The following SEC11A variants were observed in gnomAD, a reference collection of about 807,000 sequenced individuals.
SEC11A encodes signal peptidase complex catalytic subunit SEC11A.
A neutral mutation model predicts 25.6 loss-of-function variants in SEC11A; 14 were observed. The observed-to-expected ratio is 0.55, with a 90% CI of 0.36 to 0.85. The LOEUF is 0.85. SEC11A is among the 40% of genes least tolerant of loss of function. The pLI is 0.01. For missense variants in SEC11A, 153 were observed against 222.9 expected (o/e 0.69, Z 2.00); for synonymous variants, 83 against 76.4 (o/e 1.09, Z -0.45).
chr15:84,701,024 A>T (rs1897923848), intron 1 of SEC11A, among the ~76,000 whole-genome samples: 1 of 151,306 alleles, frequency 6.6e-6, no homozygotes, highest in Non-Finnish European at 1.5e-5. Context: ...CCTAAATCAA[A>T]CTTCTAGAGA....
intron 1 of SEC11A, among the ~76,000 whole-genome samples, chr15:84,707,072 C>T (rs1446773020): frequency 2.0e-5 from 3 of 152,074 alleles, no homozygotes; most frequent in Admixed American, 6.6e-5. Flanking sequence ...AAGCTTAGAT[C>T]TGTCCACCCA....
intron 1 of SEC11A, among the ~76,000 whole-genome samples, chr15:84,700,924 A>C (rs1222818761): frequency 6.7e-6 from 1 of 149,654 alleles, no homozygotes; most frequent in Admixed American, 6.7e-5. Flanking sequence ...AGGTTGCAGT[A>C]AGCCGACATC....
intron 4 of SEC11A, among the ~76,000 whole-genome samples, chr15:84,680,173 C>T (rs893756069): frequency 2.0e-5 from 3 of 151,044 alleles, no homozygotes; most frequent in Admixed American, 6.6e-5. Flanking sequence ...TGGTGGCGGG[C>T]GCCTGTAATC....
Position 84,685,190 on chromosome 15 carries a change from CTCTG to C in SEC11A, c.311+2431_311+2434del, listed in dbSNP as rs368925269. ...TTAAGGATTTTCCAATTAATATATT[CTCTG>C]TCTATGAATCTGCCCAGAAGCAGTT... On this transcript the variant is annotated intron_variant, in intron 3 of 5. Coordinates refer to ENST00000268220, the MANE Select transcript of SEC11A (RefSeq NM_014300.4). 9.7e-4 allele frequency among the ~76,000 whole-genome samples: 148 copies of C among 152,242 alleles called. 2 individuals are homozygous for C. The Middle Eastern group carries it at 0.014, about 14-fold the overall frequency.
chr15:84,687,836 A>G, intron 2 of SEC11A, 62 bp from the exon 3 acceptor site: 1 of 1,383,536 alleles, frequency 7.2e-7, no homozygotes, highest in South Asian at 1.3e-5. Flanking sequence ...TACTTTCAAA[A>G]TTAGATATTC....
intron 1 of SEC11A, among the ~76,000 whole-genome samples, chr15:84,703,650 AT>A (rs1898013087): frequency 6.6e-6 from 1 of 152,172 alleles, no homozygotes; most frequent in South Asian, 2.1e-4. Context: ...GCAGTTGTTC[AT>A]TTTGCCTGGA....
intron 4 of SEC11A, among the ~76,000 whole-genome samples, chr15:84,675,564 A>G (rs75902981): frequency 0.012 from 1,827 of 152,346 alleles, 33 homozygotes; most frequent in African/African-American, 0.041. Context: ...TAAGAAGTAC[A>G]TTCAAAAAGT....
At chr15:84,708,046 AAAAAAATAC>A (rs1898148661) in intron 1 of SEC11A, among the ~76,000 whole-genome samples, 3 of 151,708 alleles carry the variant, frequency 2.0e-5, no homozygotes, top group Non-Finnish European at 4.4e-5. Context: ...CGTCTTTACT[AAAAAAATAC>A]AAAAAATTAG....
Position 84,687,594 on chromosome 15 carries a change from T to C in SEC11A, c.311+31A>G, listed in dbSNP as rs79171269. On this transcript the variant is annotated intron_variant, in intron 3 of 5. Transcript: ENST00000268220. ...CCACAAACACTTAAACAAAAGCACT[T>C]AGAAACAAAGATGCTATACTTTGCA... 1.1e-3 allele frequency: 1,616 copies of C among 1,511,894 alleles called. 4 individuals are homozygous for C. The highest frequency in any genetic ancestry group is 9.4e-3 in the Middle Eastern group (40 of 4,266). 93.7% of individuals were successfully genotyped at this position (1,511,894 alleles called of 1,614,324 possible). A position where few individuals can be genotyped will look rare whatever the true frequency, so the allele number is the denominator to read the frequency against.
At chr15:84,707,883 C>G (rs530876912) in intron 1 of SEC11A, among the ~76,000 whole-genome samples, 32 of 152,208 alleles carry the variant, frequency 2.1e-4, no homozygotes, top group African/African-American at 7.7e-4. Context: ...TGCTCAGTTA[C>G]ATGGAATAAA....
At chr15:84,691,073 C>CT (rs199982469) in intron 2 of SEC11A, among the ~76,000 whole-genome samples, 63,982 of 132,916 alleles carry the variant, frequency 0.48, 16,859 homozygotes, top group East Asian at 0.77. Context: ...TCTTTTCTCT[C>CT]TTTTTTTTTT....
intron 1 of SEC11A, among the ~76,000 whole-genome samples, chr15:84,700,795 A>G (rs1349395456): frequency 1.3e-5 from 2 of 150,798 alleles, no homozygotes; most frequent in African/African-American, 4.9e-5. Flanking sequence ...AGCCTGACCA[A>G]CATGGAGAAA....
chr15:84,706,351 C>G (rs1898093335), intron 1 of SEC11A, among the ~76,000 whole-genome samples: 1 of 152,152 alleles, frequency 6.6e-6, no homozygotes, highest in South Asian at 2.1e-4. Flanking sequence ...TTATAATTGG[C>G]TAGGGTGATT....
intron 1 of SEC11A, 97 bp downstream of exon 1, chr15:84,715,928 G>T: frequency 1.7e-6 from 2 of 1,146,244 alleles, no homozygotes; most frequent in Non-Finnish European, 2.6e-6. Flanking sequence ...GACCAGCTCA[G>T]ACCCTCACAC....
chr15:84,680,910 A>G, intron 3 of SEC11A, 78 bp from the exon 4 acceptor site: 2 of 1,342,154 alleles, frequency 1.5e-6, no homozygotes, highest in African/African-American at 1.5e-5. Context: ...TTGTTAACCA[A>G]ACATGTTTGT....
At chr15:84,705,422 G>A (rs1325427999) in intron 1 of SEC11A, among the ~76,000 whole-genome samples, 1 of 152,156 alleles carries the variant, frequency 6.6e-6, no homozygotes, top group African/African-American at 2.4e-5. Context: ...ATGTTCTCCA[G>A]TATGTTGTAT....
intron 3 of SEC11A, among the ~76,000 whole-genome samples, chr15:84,683,094 A>G (rs1897321211): frequency 6.6e-6 from 1 of 152,210 alleles, no homozygotes; most frequent in Non-Finnish European, 1.5e-5. Context: ...AAAAAATGCA[A>G]ATATATACAG....
intron 5 of SEC11A, 159 bp downstream of exon 5, chr15:84,670,566 G>T: frequency 7.1e-6 from 3 of 421,038 alleles, no homozygotes; most frequent in Non-Finnish European, 8.7e-6. Context: ...TTTTAATAGA[G>T]ACGGGGTTTC....
intron 1 of SEC11A, among the ~76,000 whole-genome samples, chr15:84,712,037 T>A (rs767901020): frequency 1.3e-5 from 2 of 151,944 alleles, no homozygotes; most frequent in Non-Finnish European, 2.9e-5. Context: ...GCCCAGGAAT[T>A]TGAGACCAGC....
Sources: gnomAD v4.1 joint callset for allele counts (sites outside exome capture counted in the v4.1 genomes callset) on GRCh38, gnomAD v4.1.1 for gene constraint, MANE v1.5 for transcripts, NCBI Gene and HGNC (gene_info 2026-07-23, HGNC 2026-07-21) for gene names.